The following UTRN variants were observed in gnomAD, a reference collection of about 807,000 sequenced individuals.
UTRN encodes the protein dystrophin-related protein 1.
Under a neutral mutation model 463.9 loss-of-function variants are expected in UTRN, and 283 were observed. The ratio of observed to expected loss-of-function variants is 0.61; its 90% CI spans 0.55 to 0.67. UTRN has a LOEUF of 0.67. Among genes scored for constraint, UTRN ranks in the 30% least tolerant of loss-of-function variants. UTRN has a pLI of 0.00. For synonymous variants in UTRN, 1,442 were observed against 1,431.5 expected, an observed-to-expected ratio of 1.01 and a Z score of -0.17; for missense variants, 3,922 against 4,084.3, an observed-to-expected ratio of 0.96 and a Z score of 1.08.
At chr6:144,633,714 C>A (rs1246273340) in intron 51 of UTRN, among the ~76,000 whole-genome samples, 1 of 152,192 alleles carries the variant, frequency 6.6e-6, no homozygotes, top group Non-Finnish European at 1.5e-5. Flanking sequence ...CACTAATATT[C>A]TATTTGATGA....
intron 23 of UTRN, among the ~76,000 whole-genome samples, chr6:144,468,260 A>G (rs1483042094): frequency 6.6e-6 from 1 of 152,088 alleles, no homozygotes; most frequent in African/African-American, 2.4e-5. Flanking sequence ...AATTGTTTTA[A>G]TGACCTTGCT....
At chr6:144,300,973 T>C (rs1805190691) in intron 2 of UTRN, among the ~76,000 whole-genome samples, 1 of 152,188 alleles carries the variant, frequency 6.6e-6, no homozygotes, top group South Asian at 2.1e-4. Context: ...ATTTAAAATG[T>C]AAATATTGTC....
Position 144,428,261 on chromosome 6 carries a change from A to G in UTRN, c.579-517A>G, listed in dbSNP as rs143941601. On this transcript the variant is annotated intron_variant, in intron 7 of 74. Transcript: ENST00000367545. Reference sequence around the variant, plus strand: ...GAAACTCTTCCAAGGCTTTTGTTTTAGGAATATCCTGAGAACAGATTAGAG... The same window carrying G: ...GAAACTCTTCCAAGGCTTTTGTTTTGGGAATATCCTGAGAACAGATTAGAG... 5.5e-3 allele frequency among the ~76,000 whole-genome samples: 836 copies of G among 152,296 alleles called. 4 individuals carry two copies. The highest frequency in any genetic ancestry group is 8.8e-3 in the Admixed American group (135 of 15,300).
intron 66 of UTRN, among the ~76,000 whole-genome samples, chr6:144,823,851 A>G (rs1779800173): frequency 6.6e-6 from 1 of 152,152 alleles, no homozygotes; most frequent in Non-Finnish European, 1.5e-5. Context: ...AGTAAAATAG[A>G]CACCTCTCCC....
intron 52 of UTRN, among the ~76,000 whole-genome samples, chr6:144,696,588 T>G (rs937681304): frequency 6.6e-6 from 1 of 152,160 alleles, no homozygotes; most frequent in African/African-American, 2.4e-5. Flanking sequence ...TTAAAGTTAC[T>G]TGTTGTTCTT....
rs568017977 is a variant in UTRN at position 144,362,730 on chromosome 6, A to G, written c.80-40393A>G. 2.6e-5 allele frequency among the ~76,000 whole-genome samples: 4 copies of G among 152,334 alleles called. No individual in the cohort carries two copies. In the East Asian group the frequency reaches 7.7e-4, roughly 29 times the overall value. ...GTTTTAGAAATACGGTAGAGAAGGA[A>G]AAAAATGACATGCCACTTGTTATGT... On this transcript the variant is annotated intron_variant, in intron 2 of 74. Transcript: ENST00000367545.
Position 144,428,868 on chromosome 6 carries a change from A to G in UTRN, c.669A>G (p.Gly223=), listed in dbSNP as rs115402148. The stretch of plus-strand genomic sequence containing the variant: ...TCAGCAAGGCTCAAACTTATTTGGG[A>G]ATTGAAAAGCTGTTAGATCCTGAAG... ...HAFSKAQTYL[G]IEKLLDPEDV... The change falls in exon 8 of 75, where the codon GGA becomes GGG. Residue 223 remains glycine (G), a synonymous_variant. Coordinates refer to ENST00000367545, the MANE Select transcript of UTRN (RefSeq NM_007124.3). 48 of 1,608,664 alleles carry G rather than the reference A, an allele frequency of 3.0e-5. No homozygotes were observed. The African/African-American group carries it at 5.7e-4, about 19-fold the overall frequency.
intron 51 of UTRN, among the ~76,000 whole-genome samples, chr6:144,604,986 C>G (rs1169644656): frequency 6.6e-6 from 1 of 151,978 alleles, no homozygotes; most frequent in Non-Finnish European, 1.5e-5. Context: ...TTTATCTGAG[C>G]CTAGTCTCAT....
At chr6:144,624,342 T>C (rs1010776154) in intron 51 of UTRN, among the ~76,000 whole-genome samples, 1 of 152,104 alleles carries the variant, frequency 6.6e-6, no homozygotes, top group African/African-American at 2.4e-5. Context: ...CAATTTATAA[T>C]GTAATACAGA....
At chr6:144,655,813 C>A (rs1044314254) in intron 51 of UTRN, among the ~76,000 whole-genome samples, 1 of 152,074 alleles carries the variant, frequency 6.6e-6, no homozygotes, top group African/African-American at 2.4e-5. Context: ...TCTTTTATTG[C>A]CTTAATAAAA....
chr6:144,292,758 G>T (rs1277651342), intron 2 of UTRN, among the ~76,000 whole-genome samples: 2 of 152,116 alleles, frequency 1.3e-5, no homozygotes, highest in African/African-American at 2.4e-5. Flanking sequence ...TTACTTTGAG[G>T]TATAAAATTA....
intron 2 of UTRN, among the ~76,000 whole-genome samples, chr6:144,301,719 G>T (rs548469829): frequency 6.6e-6 from 1 of 151,716 alleles, no homozygotes; most frequent in South Asian, 2.1e-4. Flanking sequence ...ATTTTTAGTA[G>T]AAGTGGAGTT....
At chr6:144,516,481 C>G (rs1795618636) in intron 38 of UTRN, 94 bp downstream of exon 38, 1 of 1,349,000 alleles carries the variant, frequency 7.4e-7, no homozygotes, top group Admixed American at 2.2e-5. Flanking sequence ...TATAATCTGT[C>G]AAACATGATG....
At chr6:144,763,107 CA>C (rs746131866) in intron 58 of UTRN, among the ~76,000 whole-genome samples, 10 of 152,188 alleles carry the variant, frequency 6.6e-5, no homozygotes, top group Non-Finnish European at 1.3e-4. Flanking sequence ...CAATATCACA[CA>C]ACACACAGCT....
intron 71 of UTRN, 198 bp downstream of exon 71, chr6:144,836,739 C>T: frequency 1.2e-6 from 1 of 801,026 alleles, no homozygotes. Flanking sequence ...ATGTGTTTGC[C>T]CAGCTTACAA....
At chr6:144,363,087 TA>T (rs1779215563) in intron 2 of UTRN, among the ~76,000 whole-genome samples, 2 of 152,202 alleles carry the variant, frequency 1.3e-5, no homozygotes, top group African/African-American at 4.8e-5. Context: ...TTTATGTTTT[TA>T]AAAGATTTTT....
At chr6:144,412,159 T>C (rs1280839764) in intron 3 of UTRN, among the ~76,000 whole-genome samples, 1 of 152,220 alleles carries the variant, frequency 6.6e-6, no homozygotes, top group East Asian at 1.9e-4. Context: ...TTTTATCATT[T>C]TGCTTAATCT....
intron 51 of UTRN, among the ~76,000 whole-genome samples, chr6:144,630,979 C>T (rs1776445360): frequency 6.6e-6 from 1 of 152,082 alleles, no homozygotes; most frequent in South Asian, 2.1e-4. Flanking sequence ...TTCTCTCTTC[C>T]CTGCTTTGCC....
chr6:144,698,967 C>G (rs1222750702), intron 52 of UTRN, among the ~76,000 whole-genome samples: 1 of 152,224 alleles, frequency 6.6e-6, no homozygotes, highest in Non-Finnish European at 1.5e-5. Flanking sequence ...TCTATTCACA[C>G]TGGTCATTTG....
Sources: gnomAD v4.1 joint callset for allele counts (sites outside exome capture counted in the v4.1 genomes callset) on GRCh38, gnomAD v4.1.1 for gene constraint, MANE v1.5 for transcripts, NCBI Gene and HGNC (gene_info 2026-07-23, HGNC 2026-07-21) for gene names.